The following KCNT1 variants were observed in gnomAD, a reference collection of about 807,000 sequenced individuals.
KCNT1 encodes potassium channel subfamily T member 1.
KCNT1 carries 78 observed loss-of-function variants against 147.8 expected under a neutral mutation model. The ratio of observed to expected loss-of-function variants is 0.53; its 90% confidence interval spans 0.44 to 0.64. The LOEUF (loss-of-function observed/expected upper bound fraction) is 0.64. Ranked by LOEUF, KCNT1 falls within the 30% of genes least tolerant of loss-of-function variation. KCNT1 has a pLI of 0.00. For synonymous variants in KCNT1, 867 were observed against 748.8 expected (o/e 1.16, Z -2.58); for missense variants, 1,419 against 1,750.3 (o/e 0.81, Z 3.38).
At chr9:135,782,582 C>A (rs72770401) in intron 24 of KCNT1, among the ~76,000 whole-genome samples, 1 of 152,172 alleles carries the variant, frequency 6.6e-6, no homozygotes, top group South Asian at 2.1e-4. Context: ...TGAATGGCAC[C>A]CGCTCAGCCC....
chr9:135,744,562 G>C (rs1830717210), intron 2 of KCNT1, among the ~76,000 whole-genome samples: 1 of 152,242 alleles, frequency 6.6e-6, no homozygotes, highest in South Asian at 2.1e-4. Flanking sequence ...CCTCTGACCT[G>C]CTGAGTGACT....
At chr9:135,727,460 C>T (rs539853223) in intron 2 of KCNT1, among the ~76,000 whole-genome samples, 2 of 148,586 alleles carry the variant, frequency 1.3e-5, no homozygotes, top group Admixed American at 1.3e-4. Context: ...CTCTCTTTCT[C>T]TCTCTCCCTC....
chr9:135,777,987 G>GCTCT (rs1272624367), intron 21 of KCNT1, among the ~76,000 whole-genome samples: 1 of 150,428 alleles, frequency 6.6e-6, no homozygotes, highest in Non-Finnish European at 1.5e-5. Flanking sequence ...GCTCCTCCAT[G>GCTCT]CTCTCAGCTC....
At chr9:135,755,480 A>T (rs1831423828) in intron 6 of KCNT1, among the ~76,000 whole-genome samples, 1 of 140,176 alleles carries the variant, frequency 7.1e-6, no homozygotes, top group African/African-American at 2.7e-5. Flanking sequence ...CTGAGGACAA[A>T]CCCAGGATCA....
intron 1 of KCNT1, among the ~76,000 whole-genome samples, chr9:135,711,726 A>G (rs1835498694): frequency 6.6e-6 from 1 of 152,152 alleles, no homozygotes; most frequent in Non-Finnish European, 1.5e-5. Context: ...TGGATTCCAA[A>G]AGTCAGTGTC....
rs1345219874 is a variant in KCNT1 at position 135,756,985 on chromosome 9, C to A, written c.600+53C>A. Reference sequence around the variant, plus strand: ...ACAGGGGGTCCCCACCCTCCCCACCCTCCCCAGCCTCCCCCACCTCCCCCA... The same window carrying A: ...ACAGGGGGTCCCCACCCTCCCCACCATCCCCAGCCTCCCCCACCTCCCCCA... On this transcript the variant is annotated intron_variant, in intron 7 of 30. Coordinates refer to ENST00000371757, the MANE Select transcript of KCNT1 (RefSeq NM_020822.3). 20 of 1,192,060 alleles carry A rather than the reference C, an allele frequency of 1.7e-5. 1 individual carries two copies. The highest frequency in any genetic ancestry group is 2.2e-5 in the Non-Finnish European group (19 of 844,830). The allele number at this position is 1,192,060 out of a possible 1,614,324, so 73.8% of individuals were successfully genotyped here.
At chr9:135,737,048 C>T (rs908371082) in intron 2 of KCNT1, 8 of 232,486 alleles carry the variant, frequency 3.4e-5, no homozygotes, top group South Asian at 1.8e-4. Context: ...AGGAAGTGGA[C>T]CCAGCTCTGT....
chr9:135,734,994 CAGG>C (rs1351951609), intron 2 of KCNT1, among the ~76,000 whole-genome samples: 2 of 152,224 alleles, frequency 1.3e-5, no homozygotes, highest in African/African-American at 4.8e-5. Context: ...GCAGCACGCC[CAGG>C]AGAAGAGCCC....
At chr9:135,780,312 G>A (rs937950948) in intron 24 of KCNT1, among the ~76,000 whole-genome samples, 2 of 152,196 alleles carry the variant, frequency 1.3e-5, no homozygotes, top group Non-Finnish European at 2.9e-5. Flanking sequence ...AGTCCTCATC[G>A]GCGAGCTGCT....
intron 29 of KCNT1, 152 bp downstream of exon 29, chr9:135,786,673 C>T (rs1274525180): frequency 5.1e-6 from 4 of 777,300 alleles, no homozygotes; most frequent in Non-Finnish European, 5.9e-6. Context: ...CACCCTCTGC[C>T]TGCCTCTACT....
In KCNT1 at chr9:135,752,507, A is replaced by G. The variant is rs1485384148; in HGVS notation, c.435-1430A>G. On this transcript the variant is annotated intron_variant, in intron 4 of 30. Transcript: ENST00000371757. This position sits in a 1 kb window ranked among gnomAD's most constrained non-coding sequence, Gnocchi z 5.1. ...GGTCCCCTGGGGCTTCTGGTTTCAC[A>G]TCCCCACAGGGCCCAAGTCTGTTGT... 1 of 452,814 alleles carries G rather than the reference A, an allele frequency of 2.2e-6. No homozygotes were observed. Among genetic ancestry groups the G allele is most frequent in the Admixed American group, 2.4e-5 (1 of 42,054 alleles). 28.0% of individuals were successfully genotyped at this position (452,814 alleles called of 1,614,324 possible). A position where few individuals can be genotyped will look rare whatever the true frequency, so the allele number is the denominator to read the frequency against.
Position 135,772,935 on chromosome 9 carries a change from G to A in KCNT1, c.2229G>A (p.Gly743=), listed in dbSNP as rs1289338720. 7 of 1,508,266 alleles carry A rather than the reference G, an allele frequency of 4.6e-6. No individual in the cohort carries two copies. The highest frequency in any genetic ancestry group is 2.2e-5 in the Admixed American group (1 of 45,488). The allele number at this position is 1,508,266 out of a possible 1,614,324, so 93.4% of individuals were successfully genotyped here. ...AGGTGACGCCGTCGGACGACGAGGG[G>A]CTCTCCGTGGTAGAGTGAGTGCTGC... ...EDEVTPSDDE[G]LSVVEYVKGY... is the part of the protein sequence containing the mutation. The change falls in exon 19 of 31, where the codon GGG becomes GGA. Residue 743 remains glycine (G), a synonymous_variant. Coordinates refer to ENST00000371757, the MANE Select transcript of KCNT1 (RefSeq NM_020822.3).
chr9:135,774,367 TGTGTGTG>T (rs977072637), intron 19 of KCNT1, among the ~76,000 whole-genome samples: 6 of 144,514 alleles, frequency 4.2e-5, no homozygotes, highest in African/African-American at 7.7e-5. Flanking sequence ...GTGTTGTGTC[TGTGTGTG>T]GTGTGTGTTG....
At chr9:135,706,891 T>C (rs1337248230) in intron 1 of KCNT1, among the ~76,000 whole-genome samples, 1 of 152,126 alleles carries the variant, frequency 6.6e-6, no homozygotes, top group Admixed American at 6.5e-5. Flanking sequence ...GGCCCCTAGA[T>C]GGAGCAGGGG....
At position 135,714,969 on chromosome 9, in the gene KCNT1, T is replaced by G. The variant is rs1273716333; in HGVS notation, c.254+249T>G. ...GCTGCGGAGTCTTCCAGAGCCCGAC[T>G]TGGGGCGCGGAGGCGGAGGGCGGCC... On this transcript the variant is annotated intron_variant, in intron 2 of 30. Transcript: ENST00000371757. This position sits in a 1 kb window ranked among gnomAD's most constrained non-coding sequence, Gnocchi z 6.2. 6.6e-6 allele frequency among the ~76,000 whole-genome samples: 1 copy of G among 152,206 alleles called. No homozygotes were observed. Among genetic ancestry groups the G allele is most frequent in the Non-Finnish European group, 1.5e-5 (1 of 68,028 alleles).
rs982195367 is a variant in KCNT1, at chr9:135,712,358, G to A, written c.111-2219G>A. 3.9e-5 allele frequency among the ~76,000 whole-genome samples: 6 copies of A among 152,234 alleles called. No homozygotes were observed. In the East Asian group the frequency reaches 7.7e-4, roughly 20 times the overall value. ...ACAGCAGTCACTCAGAAAATAAAAAGATCATGGATGTGGCCTTGGGGGTCC... is the reference window on the plus strand; with the variant it reads ...ACAGCAGTCACTCAGAAAATAAAAAAATCATGGATGTGGCCTTGGGGGTCC... On this transcript the variant is annotated intron_variant, in intron 1 of 30. Transcript: ENST00000371757.
chr9:135,774,059 G>A (rs1832938071), intron 19 of KCNT1, among the ~76,000 whole-genome samples: 1 of 152,034 alleles, frequency 6.6e-6, no homozygotes, highest in Non-Finnish European at 1.5e-5. Flanking sequence ...TGTATGTTAT[G>A]TGTGTGGTGT....
At chr9:135,722,318 C>G (rs774719518) in intron 2 of KCNT1, among the ~76,000 whole-genome samples, 1 of 152,214 alleles carries the variant, frequency 6.6e-6, no homozygotes, top group East Asian at 1.9e-4. Flanking sequence ...GCGGGGCACA[C>G]GGCTTCATCA....
intron 2 of KCNT1, among the ~76,000 whole-genome samples, chr9:135,740,335 G>T (rs1830511438): frequency 6.6e-6 from 1 of 152,166 alleles, no homozygotes; most frequent in African/African-American, 2.4e-5. Context: ...TAGAACAGAG[G>T]CTCCCAAACT....
Sources: gnomAD v4.1 joint callset for allele counts (sites outside exome capture counted in the v4.1 genomes callset) on GRCh38, gnomAD v4.1.1 for gene constraint, Gnocchi (gnomAD v3.1) non-coding constraint, MANE v1.5 for transcripts, NCBI Gene and HGNC (gene_info 2026-07-23, HGNC 2026-07-21) for gene names.